Variants in VPS26C observed in about 807,000 individuals in gnomAD.
VPS26C encodes VPS26 endosomal protein sorting factor C, also known as vacuolar protein sorting-associated protein 26C.
Under a neutral mutation model 30.6 loss-of-function variants are expected in VPS26C, and 19 were observed. The observed-to-expected ratio is 0.62, with a 90% CI of 0.43 to 0.91. VPS26C has a LOEUF of 0.91. Among genes scored for constraint, VPS26C ranks in the 40% least tolerant of loss-of-function variants. The probability of loss-of-function intolerance (pLI) is 0.00; values close to 1 mark genes in which losing one functional copy is unlikely to be tolerated. For synonymous variants in VPS26C, 132 were observed against 151.5 expected (o/e 0.87, Z 0.95); for missense variants, 318 against 385.1 (o/e 0.83, Z 1.46).
rs914215471 is a variant in VPS26C at position 37,240,616 on chromosome 21, GACC to G, written c.78_80del (p.Val27del). 13 of 1,613,942 alleles carry G rather than the reference GACC, an allele frequency of 8.1e-6. No homozygotes were observed. The Admixed American group carries it at 1.2e-4, about 14-fold the overall frequency. On this transcript the variant is annotated inframe_deletion, in exon 2 of 8. Transcript: ENST00000309117. ...GTTGGACTGAATCCTTACTCGATAT[GACC>G]ACCACGCCAGAGAGCACTTCCTGGG... is the stretch of plus-strand genomic sequence containing the variant.
chr21:37,259,516 A>G (rs1487461812), intron 1 of VPS26C, among the ~76,000 whole-genome samples: 3 of 152,212 alleles, frequency 2.0e-5, no homozygotes, highest in Non-Finnish European at 4.4e-5. Flanking sequence ...ATTTATAAAA[A>G]CAAATGAATT....
At chr21:37,249,737 A>G (rs1602279236) in intron 1 of VPS26C, among the ~76,000 whole-genome samples, 2 of 152,198 alleles carry the variant, frequency 1.3e-5, no homozygotes, top group South Asian at 4.1e-4. Flanking sequence ...TACACTAGAC[A>G]AGCTGATTCT....
intron 1 of VPS26C, chr21:37,261,998 G>T (rs572779753): frequency 6.6e-6 from 1 of 152,018 alleles, no homozygotes; most frequent in Admixed American, 6.6e-5. Flanking sequence ...TACTTAGTGG[G>T]AAATGTCTAC....
chr21:37,239,334 C>T (rs142425859), intron 2 of VPS26C, among the ~76,000 whole-genome samples: 110 of 152,292 alleles, frequency 7.2e-4, no homozygotes, highest in African/African-American at 2.6e-3. Context: ...TGTGAATGCA[C>T]CTTTCTCTGT....
At chr21:37,250,261 C>T (rs763158866) in intron 1 of VPS26C, among the ~76,000 whole-genome samples, 9 of 151,248 alleles carry the variant, frequency 6.0e-5, no homozygotes, top group Non-Finnish European at 1.3e-4. Context: ...GCTGAGATCA[C>T]GCCACTGCAC....
At chr21:37,237,070 T>C (rs2050374282) in intron 3 of VPS26C, among the ~76,000 whole-genome samples, 4 of 152,228 alleles carry the variant, frequency 2.6e-5, no homozygotes, top group Admixed American at 1.3e-4. Flanking sequence ...CGTGAGCCAC[T>C]GTGCCTGGCC....
At chr21:37,259,807 C>T (rs1247093493) in intron 1 of VPS26C, among the ~76,000 whole-genome samples, 2 of 152,138 alleles carry the variant, frequency 1.3e-5, no homozygotes, top group Non-Finnish European at 2.9e-5. Flanking sequence ...TGTGAAGCAT[C>T]TGACAAGCAC....
chr21:37,228,143 A>C, intron 6 of VPS26C, 80 bp downstream of exon 6: 8 of 1,545,444 alleles, frequency 5.2e-6, no homozygotes, highest in Non-Finnish European at 7.0e-6. Context: ...CCAGCCCCCC[A>C]GCATCCTCTT....
intron 1 of VPS26C, among the ~76,000 whole-genome samples, chr21:37,246,983 C>G (rs964867489): frequency 1.3e-5 from 2 of 152,172 alleles, no homozygotes; most frequent in Admixed American, 6.5e-5. Context: ...GTCTTGAACT[C>G]CAGGGCTCAA....
At chr21:37,236,665 G>C (rs531043624) in intron 3 of VPS26C, among the ~76,000 whole-genome samples, 6 of 152,306 alleles carry the variant, frequency 3.9e-5, no homozygotes, top group African/African-American at 1.4e-4. Context: ...ACTATTAAGT[G>C]CTGAATGACA....
At chr21:37,258,893 T>C (rs1449982621) in intron 1 of VPS26C, among the ~76,000 whole-genome samples, 1 of 152,242 alleles carries the variant, frequency 6.6e-6, no homozygotes. Context: ...ATGAACACTT[T>C]TGATCGCATC....
intron 3 of VPS26C, among the ~76,000 whole-genome samples, chr21:37,234,438 A>G (rs2085998764): frequency 1.3e-5 from 2 of 152,288 alleles, no homozygotes; most frequent in Admixed American, 1.3e-4. Flanking sequence ...GGGGAGCCCC[A>G]CTGCAGAGCT....
chr21:37,267,056 T>G, intron 1 of VPS26C, 182 bp downstream of exon 1: 1 of 657,968 alleles, frequency 1.5e-6, no homozygotes, highest in Non-Finnish European at 2.7e-6. Context: ...GCAGCCAGCC[T>G]CGCGCGGGAA....
At chr21:37,253,658 G>A (rs1334034300) in intron 1 of VPS26C, among the ~76,000 whole-genome samples, 1 of 152,160 alleles carries the variant, frequency 6.6e-6, no homozygotes, top group Non-Finnish European at 1.5e-5. Flanking sequence ...GTGGCTTCAG[G>A]AGTTAGATAG....
At chr21:37,267,132 G>T in intron 1 of VPS26C, 106 bp downstream of exon 1, 2 of 1,051,984 alleles carry the variant, frequency 1.9e-6, no homozygotes, top group Non-Finnish European at 2.9e-6. Flanking sequence ...TGGCGGGACA[G>T]CCCTGCCCCG....
chr21:37,227,186 G>C (rs73220509), intron 7 of VPS26C: 17,271 of 155,778 alleles, frequency 0.11, 1,089 homozygotes, highest in East Asian at 0.23. Context: ...CCTTCACACA[G>C]AGCCACTTTC....
At chr21:37,267,476 C>T (rs1003897503), upstream of VPS26C, 20 of 604,978 alleles carry the variant, frequency 3.3e-5, no homozygotes, top group Admixed American at 2.8e-4. Context: ...ACGCCTTCCT[C>T]CTTCCGGCAC....
At chr21:37,232,546 C>G in intron 4 of VPS26C, 95 bp from the exon 5 acceptor site, 2 of 1,055,652 alleles carry the variant, frequency 1.9e-6, no homozygotes, top group Admixed American at 1.9e-5. Flanking sequence ...CAACGGCAGC[C>G]TGGCGATGCA....
Position 37,267,225 on chromosome 21 carries a change from A to G in VPS26C, c.57+13T>C. ...CAACCCCACCTCCATCCCCACCCCC[A>G]GCCCCCACTTACCCCGGCGTGATAA... On this transcript the variant is annotated intron_variant, in intron 1 of 7. Transcript: ENST00000309117. 4.9e-6 allele frequency: 1 copy of G among 205,876 alleles called. No homozygotes were observed. The highest frequency in any genetic ancestry group is 1.7e-4 in the African/African-American group (1 of 6,030). The allele number at this position is 205,876 out of a possible 1,614,324, so 12.8% of individuals were successfully genotyped here. A position where few individuals can be genotyped will look rare whatever the true frequency, so the allele number is the denominator to read the frequency against.
Sources: gnomAD v4.1 joint callset for allele counts (sites outside exome capture counted in the v4.1 genomes callset) on GRCh38, gnomAD v4.1.1 for gene constraint, MANE v1.5 for transcripts, NCBI Gene and HGNC (gene_info 2026-07-23, HGNC 2026-07-21) for gene names.